The following MTHFD2L variants were observed in gnomAD, a reference collection of about 807,000 sequenced individuals.
MTHFD2L encodes the protein bifunctional methylenetetrahydrofolate dehydrogenase/cyclohydrolase 2, mitochondrial.
MTHFD2L carries 29 observed loss-of-function variants against 34.9 expected under a neutral mutation model. The ratio of observed to expected loss-of-function variants is 0.83; its 90% CI spans 0.62 to 1.13. MTHFD2L has a LOEUF of 1.13. MTHFD2L is among the 50% of genes most tolerant of loss of function. MTHFD2L has a pLI of 0.00. For missense variants in MTHFD2L, 481 were observed against 446.5 expected, an observed-to-expected ratio of 1.08 and a Z score of -0.70; for synonymous variants, 167 against 155.7, an observed-to-expected ratio of 1.07 and a Z score of -0.54.
chr4:74,233,559 A>T (rs1275902492), intron 6 of MTHFD2L, among the ~76,000 whole-genome samples: 1 of 152,050 alleles, frequency 6.6e-6, no homozygotes, highest in Middle Eastern at 3.2e-3. Context: ...GTGGTGAGCC[A>T]ATCACTAAAA....
At chr4:74,201,461 T>C in intron 5 of MTHFD2L, 91 bp downstream of exon 5, 1 of 913,510 alleles carries the variant, frequency 1.1e-6, no homozygotes, top group Non-Finnish European at 1.7e-6. Flanking sequence ...CAGCTTATTA[T>C]ATTTGTGGGT....
chr4:74,240,741 G>A (rs1232108296), intron 6 of MTHFD2L, among the ~76,000 whole-genome samples: 4 of 152,026 alleles, frequency 2.6e-5, no homozygotes, highest in Non-Finnish European at 5.9e-5. Flanking sequence ...ATATTATAAA[G>A]CAAAATAAAG....
At chr4:74,258,899 C>A (rs1459877396) in intron 6 of MTHFD2L, among the ~76,000 whole-genome samples, 2 of 151,804 alleles carry the variant, frequency 1.3e-5, no homozygotes, top group Non-Finnish European at 2.9e-5. Flanking sequence ...TGAACCCAGT[C>A]CCCAGTAAAA....
chr4:74,145,099 A>T (rs1488870351), intron 1 of MTHFD2L, among the ~76,000 whole-genome samples: 1 of 152,120 alleles, frequency 6.6e-6, no homozygotes, highest in Non-Finnish European at 1.5e-5. Flanking sequence ...AGATTGCTTC[A>T]ACATTGCAGT....
chr4:74,201,177 T>G, intron 4 of MTHFD2L, 86 bp from the exon 5 acceptor site: 1 of 908,548 alleles, frequency 1.1e-6, no homozygotes. Flanking sequence ...TAGAAATTTT[T>G]AAAAGAATGT....
chr4:74,201,025 T>C (rs1456406721), intron 4 of MTHFD2L, among the ~76,000 whole-genome samples: 1 of 152,224 alleles, frequency 6.6e-6, no homozygotes, highest in African/African-American at 2.4e-5. Flanking sequence ...AGCAACTTAA[T>C]GTCAACTTAA....
At chr4:74,208,192 A>ATTTG (rs754733978) in intron 5 of MTHFD2L, among the ~76,000 whole-genome samples, 2 of 152,222 alleles carry the variant, frequency 1.3e-5, no homozygotes, top group South Asian at 4.1e-4. Context: ...TTACTGAATT[A>ATTTG]CATATTTGAA....
intron 6 of MTHFD2L, among the ~76,000 whole-genome samples, chr4:74,274,954 T>G (rs2110257464): frequency 6.6e-6 from 1 of 152,294 alleles, no homozygotes; most frequent in Non-Finnish European, 1.5e-5. Flanking sequence ...TATTTTTTAA[T>G]TTTTCTACTT....
chr4:74,175,270 T>G lies in MTHFD2L; in HGVS notation c.329-11T>G. 6.2e-7 allele frequency: 1 copy of G among 1,610,384 alleles called. No homozygotes were observed. Among genetic ancestry groups the G allele is most frequent in the Non-Finnish European group, 8.5e-7 (1 of 1,178,308 alleles). ...TAGTCAAGTGACCTTCTCTACCTGT[T>G]TTTCTTCTAGGTATTTGTAGTGAGC... On this transcript the variant is annotated splice_polypyrimidine_tract_variant and intron_variant, in intron 2 of 7. Coordinates refer to ENST00000325278, the MANE Select transcript of MTHFD2L (RefSeq NM_001144978.3).
At chr4:74,252,481 G>T (rs1208208749) in intron 6 of MTHFD2L, among the ~76,000 whole-genome samples, 1 of 151,740 alleles carries the variant, frequency 6.6e-6, no homozygotes, top group Non-Finnish European at 1.5e-5. Context: ...GTATTTTTAT[G>T]GCATTATGAA....
rs999970265 is a variant in MTHFD2L at position 74,148,160 on chromosome 4, A to G, written c.-296-11895A>G. On this transcript the variant is annotated intron_variant, in intron 1 of 7. Transcript: ENST00000433372. ...GAATGATATTGGCACCATGTCAAAA[A>G]TCAATTAATCATATATGCAAAGCTT... is the stretch of plus-strand genomic sequence containing the variant. Among the ~76,000 whole-genome samples the G allele has an allele frequency of 3.9e-5, 6 of 152,056 alleles. No homozygotes were observed. In the East Asian group the frequency reaches 1.2e-3, roughly 29 times the overall value.
At chr4:74,225,528 C>A (rs1305462793) in intron 6 of MTHFD2L, 134 bp downstream of exon 6, 29 of 677,484 alleles carry the variant, frequency 4.3e-5, no homozygotes, top group Non-Finnish European at 7.0e-5. Context: ...TGGATTCTGT[C>A]TCTTGGCAAT....
At chr4:74,140,466 TG>T (rs1186427961) in intron 1 of MTHFD2L, 6 of 591,492 alleles carry the variant, frequency 1.0e-5, no homozygotes, top group East Asian at 1.4e-4. Context: ...CAAATACTCC[TG>T]TTTTTTTAGT....
chr4:74,226,271 T>A (rs1441800505), intron 6 of MTHFD2L, among the ~76,000 whole-genome samples: 2 of 152,152 alleles, frequency 1.3e-5, no homozygotes, highest in African/African-American at 4.8e-5. Context: ...TAAACAGTTG[T>A]AATTATTTTG....
chr4:74,230,591 GAAAAA>G (rs11324931), intron 6 of MTHFD2L, among the ~76,000 whole-genome samples: 5 of 128,976 alleles, frequency 3.9e-5, no homozygotes, highest in African/African-American at 1.4e-4. Flanking sequence ...CTCTGTCTCA[GAAAAA>G]AAAAAAAAAG....
At chr4:74,236,578 G>T (rs1405966683) in intron 6 of MTHFD2L, among the ~76,000 whole-genome samples, 2 of 152,174 alleles carry the variant, frequency 1.3e-5, no homozygotes, top group Non-Finnish European at 2.9e-5. Context: ...CTTATGACAC[G>T]CCAGGGTCTA....
chr4:74,144,918 G>A (rs1209927831), intron 1 of MTHFD2L, among the ~76,000 whole-genome samples: 1 of 152,136 alleles, frequency 6.6e-6, no homozygotes, highest in East Asian at 1.9e-4. Flanking sequence ...AATAGTAAGT[G>A]CTGTAAGTGG....
intron 1 of MTHFD2L, among the ~76,000 whole-genome samples, chr4:74,127,108 C>T (rs530575081): frequency 4.1e-4 from 61 of 148,974 alleles, no homozygotes; most frequent in African/African-American, 9.4e-4. Flanking sequence ...GAGGCCTCCC[C>T]GGCCCTGCCG....
At chr4:74,283,747 CT>C (rs1412461845) in intron 7 of MTHFD2L, among the ~76,000 whole-genome samples, 1 of 152,104 alleles carries the variant, frequency 6.6e-6, no homozygotes, top group Non-Finnish European at 1.5e-5. Flanking sequence ...TGCCAGCCTG[CT>C]GATTCATGGA....
Sources: allele counts gnomAD v4.1 joint callset (sites outside exome capture counted in the v4.1 genomes callset), GRCh38; gene constraint gnomAD v4.1.1; transcripts MANE v1.5; gene names NCBI Gene and HGNC (gene_info 2026-07-23, HGNC 2026-07-21).